TIMM23: variants seen among roughly 807,000 people sequenced by gnomAD.
TIMM23 encodes translocase of inner mitochondrial membrane 23.
In TIMM23, 19 loss-of-function variants were observed where a neutral mutation model predicts 30.7. The ratio of observed to expected loss-of-function variants is 0.62; its 90% confidence interval spans 0.43 to 0.91. TIMM23 has a LOEUF of 0.91. Ranked by LOEUF, TIMM23 falls within the 40% of genes least tolerant of loss-of-function variation. The pLI, the probability that TIMM23 is intolerant of heterozygous loss-of-function variation, is 0.00. For synonymous variants in TIMM23, 78 were observed against 98.5 expected (o/e 0.79, Z 1.23); for missense variants, 202 against 269.2 (o/e 0.75, Z 1.75).
At chr10:45,999,815 C>G (rs2132285424) in intron 6 of TIMM23, among the ~76,000 whole-genome samples, 1 of 152,224 alleles carries the variant, frequency 6.6e-6, no homozygotes, top group East Asian at 1.9e-4. Flanking sequence ...GTATTTCACC[C>G]CTACAGTCTA....
rs1476509158 is a variant in TIMM23, at chr10:45,985,436, C to A, written c.398C>A (p.Ser133Tyr). Residue 133 changes from serine (S) to tyrosine (Y), a missense_variant, in exon 5 of 7, where the codon TCT becomes TAT. By Grantham distance (144) the Ser-to-Tyr change is moderately radical. Transcript: ENST00000580018. Reference protein sequence around the residue: ...QGALWANTLGSLALLYSAFGV... With the variant: ...QGALWANTLGYLALLYSAFGV... The stretch of plus-strand genomic sequence containing the variant: ...GCACTTTGGGCTAATACTCTAGGTT[C>A]TCTGGGTAAGTAGAGATCTCATTTG... The A allele has an allele frequency of 1.2e-6, 2 of 1,613,272 alleles. No individual in the cohort carries two copies. The highest frequency in any genetic ancestry group is 1.7e-6 in the Non-Finnish European group (2 of 1,179,504).
At chr10:45,990,134 T>TTTG (rs1332677969) in intron 6 of TIMM23, among the ~76,000 whole-genome samples, 74 of 133,416 alleles carry the variant, frequency 5.5e-4, no homozygotes, top group African/African-American at 1.6e-3. Flanking sequence ...TTTTTTTTTT[T>TTTG]TCTTTTTTGA....
chr10:45,988,117 C>G (rs1554915084), intron 5 of TIMM23, among the ~76,000 whole-genome samples: 1 of 152,150 alleles, frequency 6.6e-6, no homozygotes, highest in Admixed American at 6.5e-5. Context: ...CCGACCCCAT[C>G]CACTTGGGCC....
At position 45,972,536 on chromosome 10, in the gene TIMM23, G is replaced by A. The variant is rs1416705990; in HGVS notation, c.-89G>A. The A allele has an allele frequency of 2.0e-6, 3 of 1,503,142 alleles. No individual in the cohort carries two copies. Among genetic ancestry groups the A allele is most frequent in the African/African-American group, 2.8e-5 (2 of 71,236 alleles). The allele number at this position is 1,503,142 out of a possible 1,614,324, so 93.1% of individuals were successfully genotyped here. On this transcript the variant is annotated 5_prime_UTR_variant, in exon 1 of 7. Transcript: ENST00000580018. ...GTGTGAAGTAGGCGCTGGCAACGCGGGGTTACCCGCTGTTATTGAGGAGTA... is the reference window on the plus strand; with the variant it reads ...GTGTGAAGTAGGCGCTGGCAACGCGAGGTTACCCGCTGTTATTGAGGAGTA...
intron 2 of TIMM23, among the ~76,000 whole-genome samples, chr10:45,981,508 T>C (rs1837844078): frequency 6.6e-6 from 1 of 151,968 alleles, no homozygotes; most frequent in Non-Finnish European, 1.5e-5. Flanking sequence ...TCTTATGTGA[T>C]GAGAGTGGAT....
Position 45,982,858 on chromosome 10 carries a change from G to C in TIMM23, c.272G>C (p.Gly91Ala). The change falls in exon 4 of 7, where the codon GGT becomes GCT. Residue 91 changes from glycine (G) to alanine (A), a missense_variant. Gly to Ala is a moderately conservative substitution (Grantham distance 60). Transcript: ENST00000580018. The stretch of plus-strand genomic sequence containing the variant: ...TATGATTTACCAGGGGCTGCGTTTG[G>C]TGCAATGAATGGTCTTCGGCTAGGA... ...GGCCMTGAAF[G>A]AMNGLRLGLK... 3 of 1,613,842 alleles carry C rather than the reference G, an allele frequency of 1.9e-6. No individual in the cohort carries two copies. Among genetic ancestry groups the C allele is most frequent in the Non-Finnish European group, 2.5e-6 (3 of 1,179,836 alleles).
chr10:45,988,255 C>G (rs1838055586), intron 5 of TIMM23, among the ~76,000 whole-genome samples: 1 of 152,174 alleles, frequency 6.6e-6, no homozygotes, highest in East Asian at 1.9e-4. Context: ...GCCTGCCTGC[C>G]CAGATTCTCC....
intron 1 of TIMM23, 69 bp downstream of exon 1, chr10:45,972,799 A>G (rs2132234258): frequency 2.5e-6 from 4 of 1,572,600 alleles, no homozygotes; most frequent in East Asian, 2.3e-5. Flanking sequence ...TGCGCGTCCC[A>G]TGTTTTATGT....
chr10:45,987,273 A>G (rs1236159865), intron 5 of TIMM23, among the ~76,000 whole-genome samples: 1 of 152,022 alleles, frequency 6.6e-6, no homozygotes, highest in Non-Finnish European at 1.5e-5. Flanking sequence ...TCACACTACA[A>G]CAGTCAACAT....
intron 6 of TIMM23, among the ~76,000 whole-genome samples, chr10:45,989,775 G>A (rs1838101365): frequency 6.6e-6 from 1 of 152,084 alleles, no homozygotes; most frequent in African/African-American, 2.4e-5. Context: ...TTACTCTACT[G>A]GGAGATCAAC....
intron 4 of TIMM23, among the ~76,000 whole-genome samples, 180 bp downstream of exon 4, chr10:45,983,110 T>C (rs1369837841): frequency 6.6e-6 from 1 of 152,266 alleles, no homozygotes; most frequent in Non-Finnish European, 1.5e-5. Context: ...GACTCTAAGC[T>C]TTTAAAAAGG....
intron 6 of TIMM23, among the ~76,000 whole-genome samples, chr10:46,000,387 T>A (rs911935519): frequency 7.2e-5 from 11 of 152,140 alleles, no homozygotes; most frequent in Admixed American, 5.2e-4. Context: ...CCGTTTGGGG[T>A]CCCTGACTTC....
intron 2 of TIMM23, among the ~76,000 whole-genome samples, chr10:45,977,829 C>G (rs1237495757): frequency 2.0e-5 from 3 of 151,906 alleles, no homozygotes; most frequent in African/African-American, 7.3e-5. Flanking sequence ...GTCAGGAGTT[C>G]GAGACCAGCC....
intron 6 of TIMM23, among the ~76,000 whole-genome samples, chr10:45,997,557 G>A (rs999733216): frequency 5.9e-5 from 9 of 152,172 alleles, no homozygotes; most frequent in Non-Finnish European, 1.3e-4. Context: ...CACGCCTGTA[G>A]TCTCAACACT....
chr10:45,978,406 T>C (rs1423489537), intron 2 of TIMM23, among the ~76,000 whole-genome samples: 4 of 152,224 alleles, frequency 2.6e-5, no homozygotes, highest in African/African-American at 9.6e-5. Context: ...TTGCATATTA[T>C]GTATCTGATA....
rs1269242840 is a variant in TIMM23 at position 46,003,571 on chromosome 10, ATC to A, written c.*255_*256del. The A allele has an allele frequency of 2.5e-5, 8 of 321,920 alleles. No homozygotes were observed. The highest frequency in any genetic ancestry group is 6.5e-5 in the African/African-American group (3 of 46,456). 19.9% of individuals were successfully genotyped at this position (321,920 alleles called of 1,614,324 possible). On this transcript the variant is annotated 3_prime_UTR_variant, in exon 7 of 7. Coordinates refer to ENST00000580018, the MANE Select transcript of TIMM23 (RefSeq NM_006327.4). ...GTTCTCCTCTGGAGATCTTGCACGTATCTGTTTTCCTCCCCCATGAACTAGAA... is the reference window on the plus strand; with the variant it reads ...GTTCTCCTCTGGAGATCTTGCACGTATGTTTTCCTCCCCCATGAACTAGAA...
chr10:45,975,171 G>A lies in TIMM23; in HGVS notation c.107-283G>A, dbSNP rs868934776. Among the ~76,000 whole-genome samples the A allele has an allele frequency of 6.6e-5, 10 of 152,288 alleles. No homozygotes were observed. In the Middle Eastern group the frequency reaches 0.01, roughly 155 times the overall value. On this transcript the variant is annotated intron_variant, in intron 1 of 6. Transcript: ENST00000580018. ...AGAAATTAGCTTTGTAAATGGCCTG[G>A]ACTACACTTCCTGTAAGTTCAAAAA...
intron 4 of TIMM23, among the ~76,000 whole-genome samples, chr10:45,984,004 A>G (rs1305471570): frequency 6.6e-6 from 1 of 152,280 alleles, no homozygotes; most frequent in African/African-American, 2.4e-5. Flanking sequence ...TCAGCCTTCC[A>G]AACTGCTGGG....
chr10:45,980,405 T>A (rs1218126349), intron 2 of TIMM23, among the ~76,000 whole-genome samples: 1 of 152,182 alleles, frequency 6.6e-6, no homozygotes, highest in Admixed American at 6.5e-5. Context: ...AGCCAACTTT[T>A]ATCTGATACA....
Sources: allele counts gnomAD v4.1 joint callset (sites outside exome capture counted in the v4.1 genomes callset), GRCh38; gene constraint gnomAD v4.1.1; transcripts MANE v1.5; gene names NCBI Gene and HGNC (gene_info 2026-07-23, HGNC 2026-07-21).